The following CNTNAP2 variants were observed in gnomAD, a reference collection of about 807,000 sequenced individuals.
CNTNAP2 encodes contactin-associated protein-like 2.
In CNTNAP2, 98 loss-of-function variants were observed where a neutral mutation model predicts 155.2. The observed-to-expected ratio is 0.63, with a 90% CI of 0.54 to 0.75. CNTNAP2 has a LOEUF of 0.75. CNTNAP2 is among the 30% of genes least tolerant of loss of function. The pLI, the probability that CNTNAP2 is intolerant of heterozygous loss-of-function variation, is 0.00. For missense variants in CNTNAP2, 1,727 were observed against 1,688.1 expected, an observed-to-expected ratio of 1.02 and a Z score of -0.40; for synonymous variants, 651 against 631.2, an observed-to-expected ratio of 1.03 and a Z score of -0.47.
intron 9 of CNTNAP2, among the ~76,000 whole-genome samples, chr7:147,303,940 G>A (rs1273812239): frequency 6.6e-6 from 1 of 152,182 alleles, no homozygotes; most frequent in African/African-American, 2.4e-5. Context: ...CTGAAGAAAA[G>A]TATTTTTCCT....
intron 13 of CNTNAP2, among the ~76,000 whole-genome samples, chr7:147,857,703 G>A (rs1432040416): frequency 6.6e-6 from 1 of 152,094 alleles, no homozygotes; most frequent in Non-Finnish European, 1.5e-5. Flanking sequence ...AAGAAGTACA[G>A]CCCATTTACC....
At chr7:147,620,634 A>T (rs1439553076) in intron 12 of CNTNAP2, among the ~76,000 whole-genome samples, 1 of 151,806 alleles carries the variant, frequency 6.6e-6, no homozygotes, top group South Asian at 2.1e-4. Context: ...TAATAGCATA[A>T]GAGATCAAAC....
chr7:146,219,758 T>C (rs1013416384), intron 1 of CNTNAP2, among the ~76,000 whole-genome samples: 1 of 152,222 alleles, frequency 6.6e-6, no homozygotes, highest in Non-Finnish European at 1.5e-5. Context: ...TAACATACTG[T>C]GACCAATAAT....
chr7:146,306,298 G>A (rs1800711267), intron 1 of CNTNAP2, among the ~76,000 whole-genome samples: 1 of 152,072 alleles, frequency 6.6e-6, no homozygotes. Context: ...TGGACTCAGA[G>A]CTGAATTCTA....
chr7:147,681,009 AT>A (rs1795940899), intron 13 of CNTNAP2, among the ~76,000 whole-genome samples: 1 of 151,932 alleles, frequency 6.6e-6, no homozygotes, highest in African/African-American at 2.4e-5. Context: ...ATATTTTGTT[AT>A]TCTTGTTTGG....
intron 3 of CNTNAP2, among the ~76,000 whole-genome samples, chr7:146,979,435 G>GTGC (rs1478518805): frequency 6.6e-6 from 1 of 152,122 alleles, no homozygotes; most frequent in Non-Finnish European, 1.5e-5. Flanking sequence ...TCCACAGAGA[G>GTGC]TGCTTTATTG....
intron 1 of CNTNAP2, among the ~76,000 whole-genome samples, chr7:146,270,242 A>T (rs1400633332): frequency 3.3e-5 from 5 of 152,188 alleles, no homozygotes; most frequent in African/African-American, 1.2e-4. Flanking sequence ...ATTCTTTTGT[A>T]TAGAATTCAA....
intron 1 of CNTNAP2, among the ~76,000 whole-genome samples, chr7:146,701,041 G>A (rs895365231): frequency 8.2e-5 from 5 of 61,110 alleles, no homozygotes; most frequent in Admixed American, 4.4e-4. Context: ...TGGAGTCAAG[G>A]CTCTGAAAAA....
At chr7:147,103,565 T>C (rs1397599669) in intron 4 of CNTNAP2, among the ~76,000 whole-genome samples, 1 of 152,018 alleles carries the variant, frequency 6.6e-6, no homozygotes, top group Non-Finnish European at 1.5e-5. Context: ...ATTTTTACTA[T>C]TTTTTTAGAT....
At chr7:146,892,325 C>T (rs914116719) in intron 3 of CNTNAP2, among the ~76,000 whole-genome samples, 1 of 152,054 alleles carries the variant, frequency 6.6e-6, no homozygotes, top group East Asian at 1.9e-4. Context: ...TGAATGCAGC[C>T]AATCTTTTAG....
intron 11 of CNTNAP2, among the ~76,000 whole-genome samples, chr7:147,549,202 T>C (rs1179361488): frequency 6.6e-6 from 1 of 152,210 alleles, no homozygotes; most frequent in Non-Finnish European, 1.5e-5. Context: ...AGTATGGCCA[T>C]TTTCATGATA....
At chr7:146,979,877 T>C (rs1205137671) in intron 3 of CNTNAP2, among the ~76,000 whole-genome samples, 1 of 152,354 alleles carries the variant, frequency 6.6e-6, no homozygotes, top group East Asian at 1.9e-4. Flanking sequence ...GATGAAGGTA[T>C]AATATTTTCA....
At chr7:146,535,370 T>A (rs55842852) in intron 1 of CNTNAP2, among the ~76,000 whole-genome samples, 798 of 59,416 alleles carry the variant, frequency 0.013, 286 homozygotes, top group African/African-American at 0.089. Flanking sequence ...ATAATGTATA[T>A]TATATATGAT....
At chr7:146,379,594 G>A (rs1250400888) in intron 1 of CNTNAP2, among the ~76,000 whole-genome samples, 1 of 152,186 alleles carries the variant, frequency 6.6e-6, no homozygotes, top group East Asian at 1.9e-4. Flanking sequence ...GTTGCTATAA[G>A]ATAGAAATGG....
chr7:147,575,125 G>A (rs1311474683), intron 12 of CNTNAP2, among the ~76,000 whole-genome samples: 11 of 150,146 alleles, frequency 7.3e-5, no homozygotes, highest in Non-Finnish European at 1.5e-4. Flanking sequence ...GTGTGTGTGT[G>A]TGTGTGTGTG....
chr7:148,148,797 G>T (rs995951354), intron 17 of CNTNAP2, among the ~76,000 whole-genome samples: 2 of 152,198 alleles, frequency 1.3e-5, no homozygotes, highest in African/African-American at 4.8e-5. Flanking sequence ...CAAAACAAAG[G>T]TGTGGGTCAA....
At chr7:146,633,111 T>TA (rs917046022) in intron 1 of CNTNAP2, among the ~76,000 whole-genome samples, 6 of 152,182 alleles carry the variant, frequency 3.9e-5, no homozygotes, top group Non-Finnish European at 8.8e-5. Flanking sequence ...AATATGAACA[T>TA]ACTTCCTTTC....
intron 11 of CNTNAP2, among the ~76,000 whole-genome samples, chr7:147,507,457 C>T (rs10487689): frequency 0.09 from 13,661 of 151,626 alleles, 843 homozygotes; most frequent in East Asian, 0.31. Flanking sequence ...ATCACTGGAT[C>T]GACTCTTGTC....
intron 10 of CNTNAP2, among the ~76,000 whole-genome samples, chr7:147,422,365 T>C (rs1477396869): frequency 6.6e-6 from 1 of 151,458 alleles, no homozygotes; most frequent in Admixed American, 6.6e-5. Context: ...TGTGTATATA[T>C]ACGGTATATA....
Sources: gnomAD v4.1 joint callset for allele counts (sites outside exome capture counted in the v4.1 genomes callset) on GRCh38, gnomAD v4.1.1 for gene constraint, MANE v1.5 for transcripts, NCBI Gene and HGNC (gene_info 2026-07-23, HGNC 2026-07-21) for gene names.